The following SLC25A26 variants were observed in gnomAD, a reference collection of about 807,000 sequenced individuals.
SLC25A26 encodes the protein solute carrier family 25 member 26.
Under a neutral mutation model 37.8 loss-of-function variants are expected in SLC25A26, and 36 were observed. The ratio of observed to expected loss-of-function variants is 0.95; its 90% CI spans 0.73 to 1.26. The LOEUF (loss-of-function observed/expected upper bound fraction) is 1.26. SLC25A26 is among the 50% of genes most tolerant of loss of function. The pLI, the probability that SLC25A26 is intolerant of heterozygous loss-of-function variation, is 0.00. For missense variants in SLC25A26, 390 were observed against 331.1 expected, an observed-to-expected ratio of 1.18 and a Z score of -1.38; for synonymous variants, 129 against 122.5, an observed-to-expected ratio of 1.05 and a Z score of -0.35.
chr3:66,271,814 G>A (rs574310126), intron 5 of SLC25A26, among the ~76,000 whole-genome samples: 16 of 151,810 alleles, frequency 1.1e-4, no homozygotes, highest in South Asian at 2.1e-4. Flanking sequence ...ATGAGTAATT[G>A]TCTGTACCAC....
At chr3:66,311,224 T>C (rs1188526535) in intron 5 of SLC25A26, among the ~76,000 whole-genome samples, 1 of 152,076 alleles carries the variant, frequency 6.6e-6, no homozygotes, top group East Asian at 1.9e-4. Context: ...GTCGTCACAC[T>C]TTATTTCATT....
At chr3:66,191,063 C>CTT (rs1333358324) in intron 1 of SLC25A26, among the ~76,000 whole-genome samples, 124,642 of 152,030 alleles carry the variant, frequency 0.82, 51,176 homozygotes, top group South Asian at 0.92. Context: ...TCAAAAGAAA[C>CTT]TTTATTGCTT....
chr3:66,265,031 G>A (rs1377956196), intron 5 of SLC25A26, among the ~76,000 whole-genome samples: 7 of 152,138 alleles, frequency 4.6e-5, no homozygotes, highest in Admixed American at 4.6e-4. Context: ...ACATGGTATG[G>A]GCCAGGCATG....
intron 3 of SLC25A26, among the ~76,000 whole-genome samples, chr3:66,246,896 C>T (rs550743957): frequency 1.3e-3 from 194 of 152,268 alleles, no homozygotes; most frequent in Non-Finnish European, 2.2e-3. Context: ...GAGTCTTGCT[C>T]TTTCGCCCAT....
At chr3:66,204,441 A>AAAAAAAAG (rs2071150607) in intron 1 of SLC25A26, among the ~76,000 whole-genome samples, 2 of 89,376 alleles carry the variant, frequency 2.2e-5, no homozygotes, top group Non-Finnish European at 2.0e-5. Context: ...AAAAAAAAAG[A>AAAAAAAAG]AAAAAAGAAA....
intron 7 of SLC25A26, among the ~76,000 whole-genome samples, chr3:66,368,450 G>A (rs1045789296): frequency 2.6e-5 from 4 of 152,126 alleles, no homozygotes; most frequent in South Asian, 2.1e-4. Flanking sequence ...TTCAGATAAC[G>A]CAAACATGAG....
rs778291182 is a variant in SLC25A26 at position 66,370,575 on chromosome 3, G to T, written c.680G>T (p.Gly227Val). 6.2e-7 allele frequency: 1 copy of T among 1,613,870 alleles called. No homozygotes were observed. Among genetic ancestry groups the T allele is most frequent in the South Asian group, 1.1e-5 (1 of 91,040 alleles). Reference sequence around the variant, plus strand: ...GGGAATGTGCTCTCTGTCCTGCATGGGGTCTGGCGGTCACAGGGGCTGGCA... The same window carrying T: ...GGGAATGTGCTCTCTGTCCTGCATGTGGTCTGGCGGTCACAGGGGCTGGCA... ...ADGNVLSVLH[G>V]VWRSQGLAGL... Residue 227 changes from glycine to valine, a missense_variant, in exon 9 of 10, where the codon GGG (glycine) becomes GTG (valine). Gly to Val is a moderately radical substitution (Grantham distance 109, BLOSUM62 -3). Transcript: ENST00000354883.
intron 5 of SLC25A26, among the ~76,000 whole-genome samples, chr3:66,287,403 A>G (rs2107487393): frequency 6.6e-6 from 1 of 151,838 alleles, no homozygotes; most frequent in South Asian, 2.1e-4. Context: ...CTTTTTAGTC[A>G]CTGTTTTTAC....
intron 1 of SLC25A26, among the ~76,000 whole-genome samples, chr3:66,179,837 T>A (rs1288701966): frequency 6.6e-6 from 1 of 152,150 alleles, no homozygotes; most frequent in Non-Finnish European, 1.5e-5. Context: ...GTTATTAATA[T>A]ACATGCTGGG....
At chr3:66,247,372 G>C (rs1283523007) in intron 3 of SLC25A26, among the ~76,000 whole-genome samples, 1 of 152,068 alleles carries the variant, frequency 6.6e-6, no homozygotes, top group Non-Finnish European at 1.5e-5. Flanking sequence ...GCAGTGATGT[G>C]GTCATAGCTG....
chr3:66,364,942 T>A (rs182231573), intron 7 of SLC25A26, among the ~76,000 whole-genome samples: 1 of 152,342 alleles, frequency 6.6e-6, no homozygotes, highest in Admixed American at 6.5e-5. Flanking sequence ...TAGCAAAAGA[T>A]AAATAGATTG....
intron 5 of SLC25A26, among the ~76,000 whole-genome samples, chr3:66,290,269 ATT>A (rs1319401472): frequency 6.6e-6 from 1 of 152,156 alleles, no homozygotes; most frequent in Non-Finnish European, 1.5e-5. Context: ...AACAGAGACA[ATT>A]TGACTTCCTC....
chr3:66,320,470 G>A (rs1296779928), intron 5 of SLC25A26, among the ~76,000 whole-genome samples: 1 of 152,172 alleles, frequency 6.6e-6, no homozygotes, highest in Non-Finnish European at 1.5e-5. Context: ...TACATGGCAT[G>A]GATATACTTC....
At chr3:66,261,393 A>T (rs374563323) in intron 3 of SLC25A26, among the ~76,000 whole-genome samples, 25 of 152,262 alleles carry the variant, frequency 1.6e-4, no homozygotes, top group African/African-American at 6.0e-4. Flanking sequence ...ACCTTAATAT[A>T]GGGTAAGGTA....
At chr3:66,162,060 C>T (rs2070366918) in intron 1 of SLC25A26, among the ~76,000 whole-genome samples, 1 of 152,120 alleles carries the variant, frequency 6.6e-6, no homozygotes, top group Non-Finnish European at 1.5e-5. Flanking sequence ...AGTTCTGGAG[C>T]CTAGAAGTCG....
intron 5 of SLC25A26, among the ~76,000 whole-genome samples, chr3:66,264,484 G>A (rs1383355211): frequency 2.0e-5 from 3 of 152,176 alleles, no homozygotes; most frequent in East Asian, 1.9e-4. Flanking sequence ...CAGCAGGTGA[G>A]TGAGCATTAC....
At chr3:66,290,123 A>T (rs1265928834) in intron 5 of SLC25A26, among the ~76,000 whole-genome samples, 1 of 151,996 alleles carries the variant, frequency 6.6e-6, no homozygotes, top group African/African-American at 2.4e-5. Context: ...TTTATCTATT[A>T]TTGGTGTATG....
intron 5 of SLC25A26, among the ~76,000 whole-genome samples, chr3:66,277,671 G>C (rs2074203225): frequency 6.6e-6 from 1 of 151,968 alleles, no homozygotes; most frequent in African/African-American, 2.4e-5. Context: ...TTTCCCCAAA[G>C]CTATTTATCA....
chr3:66,305,887 C>T (rs933143206), intron 5 of SLC25A26, among the ~76,000 whole-genome samples: 2 of 152,204 alleles, frequency 1.3e-5, no homozygotes. Context: ...CCCCATCTTC[C>T]ACAATGGTTG....
Sources: gnomAD v4.1 joint callset for allele counts (sites outside exome capture counted in the v4.1 genomes callset) on GRCh38, gnomAD v4.1.1 for gene constraint, MANE v1.5 for transcripts, NCBI Gene and HGNC (gene_info 2026-07-23, HGNC 2026-07-21) for gene names.